The following DTNB variants were observed in gnomAD, a reference collection of about 807,000 sequenced individuals.
DTNB encodes the protein dystrobrevin beta.
DTNB carries 63 observed loss-of-function variants against 90.7 expected under a neutral mutation model. The ratio of observed to expected loss-of-function variants is 0.69; its 90% CI spans 0.57 to 0.86. The LOEUF is 0.86. Among genes scored for constraint, DTNB ranks in the 40% least tolerant of loss-of-function variants. DTNB has a pLI of 0.00. For synonymous variants in DTNB, 277 were observed against 286.7 expected (o/e 0.97, Z 0.34); for missense variants, 744 against 807.1 (o/e 0.92, Z 0.95).
At chr2:25,503,150 G>A (rs116062524) in intron 9 of DTNB, among the ~76,000 whole-genome samples, 1,549 of 143,642 alleles carry the variant, frequency 0.011, 19 homozygotes, top group African/African-American at 0.038. Context: ...TCTATTTGCC[G>A]ATGACATGAT....
chr2:25,609,584 C>T (rs908454396), intron 4 of DTNB, among the ~76,000 whole-genome samples: 5 of 105,578 alleles, frequency 4.7e-5, no homozygotes, highest in African/African-American at 1.1e-4. Flanking sequence ...GCAACAAGAG[C>T]GAAACTCTTT....
chr2:25,508,525 G>T (rs1383614618), intron 9 of DTNB, among the ~76,000 whole-genome samples: 1 of 142,436 alleles, frequency 7.0e-6, no homozygotes, highest in Non-Finnish European at 1.5e-5. Context: ...TTGAGATGGA[G>T]TTTCGCTCTT....
intron 5 of DTNB, among the ~76,000 whole-genome samples, chr2:25,604,749 C>A (rs2066717780): frequency 6.6e-6 from 1 of 152,148 alleles, no homozygotes; most frequent in South Asian, 2.1e-4. Flanking sequence ...GCCACCATGC[C>A]CAGCTAATTT....
intron 3 of DTNB, among the ~76,000 whole-genome samples, chr2:25,628,674 T>C (rs1020252702): frequency 7.2e-5 from 11 of 152,224 alleles, no homozygotes; most frequent in African/African-American, 2.4e-4. Flanking sequence ...GATAACTTGA[T>C]AAAAAGATCA....
At chr2:25,607,600 C>A (rs1416337517) in intron 4 of DTNB, among the ~76,000 whole-genome samples, 1 of 151,978 alleles carries the variant, frequency 6.6e-6, no homozygotes, top group African/African-American at 2.4e-5. Context: ...AATGGATGAA[C>A]CTGAAGTGAA....
intron 10 of DTNB, among the ~76,000 whole-genome samples, chr2:25,465,868 T>C (rs1375922165): frequency 6.6e-6 from 1 of 152,216 alleles, no homozygotes; most frequent in African/African-American, 2.4e-5. Context: ...TATAAAACAA[T>C]ATTTTTCTGT....
intron 19 of DTNB, among the ~76,000 whole-genome samples, chr2:25,381,696 C>T (rs141605581): frequency 9.2e-5 from 14 of 152,288 alleles, no homozygotes; most frequent in Middle Eastern, 3.4e-3. Context: ...TTTTGGTGTC[C>T]GTGCCACATA....
intron 9 of DTNB, among the ~76,000 whole-genome samples, chr2:25,492,477 A>G (rs1304451168): frequency 6.6e-6 from 1 of 152,222 alleles, no homozygotes; most frequent in East Asian, 1.9e-4. Flanking sequence ...AGGGGTAAAC[A>G]ATGTCTGGAT....
At chr2:25,379,438 TCCC>T in intron 19 of DTNB, 115 bp from the exon 20 acceptor site, 2 of 1,230,836 alleles carry the variant, frequency 1.6e-6, no homozygotes, top group Admixed American at 4.2e-5. Flanking sequence ...TCCTTGCTTC[TCCC>T]GTTACTCGTT....
intron 16 of DTNB, among the ~76,000 whole-genome samples, chr2:25,418,854 G>A (rs763723185): frequency 2.6e-5 from 4 of 152,154 alleles, no homozygotes; most frequent in Non-Finnish European, 2.9e-5. Context: ...TGCTAATATT[G>A]TAGATAAGCC....
At chr2:25,398,332 C>A (rs1406690986) in intron 16 of DTNB, among the ~76,000 whole-genome samples, 1 of 152,224 alleles carries the variant, frequency 6.6e-6, no homozygotes, top group Non-Finnish European at 1.5e-5. Context: ...AGAAAAGCTA[C>A]GACTCCTGGG....
intron 14 of DTNB, among the ~76,000 whole-genome samples, chr2:25,430,504 T>C (rs1016497130): frequency 6.6e-6 from 1 of 151,416 alleles, no homozygotes; most frequent in African/African-American, 2.4e-5. Context: ...CAGAGAACGA[T>C]CCTAAAGGCT....
At position 25,422,492 on chromosome 2, in the gene DTNB, G is replaced by A. The variant is rs148543514; in HGVS notation, c.1555-2957C>T. On this transcript the variant is annotated intron_variant, in intron 15 of 20. Transcript: ENST00000406818. ...GCGATCTCGGCTCAGTGTGACCTCC[G>A]CCTCCTGGGTTCAAGTGATTCCCCT... Among the ~76,000 whole-genome samples, 22 of 130,350 alleles carry A rather than the reference G, an allele frequency of 1.7e-4. No homozygotes were observed. The East Asian group carries it at 5.6e-3, about 33-fold the overall frequency. 85.5% of individuals were successfully genotyped at this position (130,350 alleles called of 152,430 possible).
intron 18 of DTNB, among the ~76,000 whole-genome samples, chr2:25,385,218 A>G (rs2039139259): frequency 1.3e-5 from 2 of 152,176 alleles, no homozygotes; most frequent in South Asian, 4.1e-4. Context: ...TATCTGTGAA[A>G]AAACTTTATA....
intron 16 of DTNB, among the ~76,000 whole-genome samples, chr2:25,400,624 T>C (rs532604146): frequency 6.6e-6 from 1 of 152,324 alleles, no homozygotes; most frequent in Non-Finnish European, 1.5e-5. Flanking sequence ...GGGTTTCAGC[T>C]GCCAGGAGAG....
chr2:25,639,062 T>C lies in DTNB; in HGVS notation c.100A>G (p.Thr34Ala). 6.3e-7 allele frequency: 1 copy of C among 1,592,560 alleles called. No individual in the cohort carries two copies. Among genetic ancestry groups the C allele is most frequent in the Non-Finnish European group, 8.6e-7 (1 of 1,166,970 alleles). The change falls in exon 3 of 21, where the codon ACT (threonine) becomes GCT (alanine). Residue 34 changes from threonine (T) to alanine (A), a missense_variant. By Grantham distance (58) the Thr-to-Ala change is moderately conservative (BLOSUM62 0). Coordinates refer to ENST00000406818, the MANE Select transcript of DTNB (RefSeq NM_021907.5). Reference protein sequence around the residue: ...AQNFDVIRLSTYRTACKLRFV... With the variant: ...AQNFDVIRLSAYRTACKLRFV... ...CGTAATTTGCAGGCTGTTCTGTAAG[T>C]TGATAGTCGTATGACATCAAAATTC...
At chr2:25,431,752 A>T (rs2053922626) in intron 14 of DTNB, among the ~76,000 whole-genome samples, 1 of 152,164 alleles carries the variant, frequency 6.6e-6, no homozygotes, top group Non-Finnish European at 1.5e-5. Flanking sequence ...ATCTTACGCC[A>T]ACAGCCTAGA....
At chr2:25,622,776 C>A (rs1176327544) in intron 4 of DTNB, among the ~76,000 whole-genome samples, 1 of 152,040 alleles carries the variant, frequency 6.6e-6, no homozygotes. Flanking sequence ...ACAACATACA[C>A]CAGGTTTGGA....
At chr2:25,432,219 A>ACG (rs1244094648) in intron 14 of DTNB, among the ~76,000 whole-genome samples, 1 of 150,870 alleles carries the variant, frequency 6.6e-6, no homozygotes, top group African/African-American at 2.5e-5. Flanking sequence ...ACACACACAC[A>ACG]CACACACACA....
Sources: allele counts gnomAD v4.1 joint callset (sites outside exome capture counted in the v4.1 genomes callset), GRCh38; gene constraint gnomAD v4.1.1; transcripts MANE v1.5; gene names NCBI Gene and HGNC (gene_info 2026-07-23, HGNC 2026-07-21).